TMOD4: variants seen among roughly 807,000 people sequenced by gnomAD.
The protein encoded by TMOD4 is tropomodulin-4.
In TMOD4, 34 loss-of-function variants were observed where a neutral mutation model predicts 45.4. The ratio of observed to expected loss-of-function variants is 0.75; its 90% CI spans 0.57 to 1.00. The LOEUF (loss-of-function observed/expected upper bound fraction) is 1.00, where lower values mean the gene tolerates loss of function less well. Ranked by LOEUF, TMOD4 falls within the 50% of genes least tolerant of loss-of-function variation. TMOD4 has a pLI of 0.00. For missense variants in TMOD4, 399 were observed against 437.5 expected (o/e 0.91, Z 0.78); for synonymous variants, 131 against 153.9 (o/e 0.85, Z 1.10).
rs779121917 is a variant in TMOD4, at chr1:151,173,535, C to CCA, written c.359_360dup (p.Ala121TrpfsTer21). 1 of 1,614,142 alleles carries CCA rather than the reference C, an allele frequency of 6.2e-7. No homozygotes were observed. On this transcript the variant is annotated frameshift_variant, in exon 4 of 10. Coordinates refer to ENST00000295314, the MANE Select transcript of TMOD4 (RefSeq NM_013353.3). LOFTEE classifies it high-confidence loss of function. ...CACATTTCAGCATCTGTGGCATGTG[C>CCA]CAGTGCCTCCTCCAGCTCAGGCTCC...
rs1284345251 is a variant in TMOD4 at position 151,174,465 on chromosome 1, A to C, written c.206T>G (p.Leu69Trp). The C allele has an allele frequency of 1.9e-6, 3 of 1,614,086 alleles. No homozygotes were observed. Among genetic ancestry groups the C allele is most frequent in the African/African-American group, 1.3e-5 (1 of 74,936 alleles). Residue 69 changes from leucine (L) to tryptophan (W), a missense_variant, in exon 3 of 10, where the codon TTG (leucine) becomes TGG (tryptophan). Leu to Trp is a moderately conservative substitution (Grantham distance 61, BLOSUM62 -2). Transcript: ENST00000295314. ...PTGPLDREAL[L>W]QYLEQQALEV... Reference sequence around the variant, plus strand: ...TAGTGCCTGTTGCTCCAAGTACTGCAAAAGGGCCTCTCGGTCCAGTGGCCC... The same window carrying C: ...TAGTGCCTGTTGCTCCAAGTACTGCCAAAGGGCCTCTCGGTCCAGTGGCCC...
intron 1 of TMOD4, 79 bp from the exon 2 acceptor site, chr1:151,174,996 G>A (rs1436088248): frequency 8.7e-6 from 10 of 1,156,036 alleles, no homozygotes; most frequent in African/African-American, 1.5e-5. Flanking sequence ...ACCAGCCAGG[G>A]GGGCAGAACA....
At chr1:151,170,339 A>C (rs587625384) in intron 9 of TMOD4, 180 bp downstream of exon 9, 1 of 946,794 alleles carries the variant, frequency 1.1e-6, no homozygotes, top group South Asian at 1.6e-5. Context: ...CTACTGGTCC[A>C]TATTTGGGGC....
At chr1:151,174,280 G>T in intron 3 of TMOD4, 111 bp downstream of exon 3, 1 of 1,188,486 alleles carries the variant, frequency 8.4e-7, no homozygotes, top group Non-Finnish European at 1.2e-6. Flanking sequence ...GGGCATCTGA[G>T]TCCCTAGGCA....
chr1:151,172,520 CT>C (rs1164501208), intron 4 of TMOD4, among the ~76,000 whole-genome samples, 163 bp from the exon 5 acceptor site: 2 of 152,186 alleles, frequency 1.3e-5, no homozygotes, highest in Non-Finnish European at 2.9e-5. Context: ...TTTCCATAAA[CT>C]TCTTAAGGCA....
intron 5 of TMOD4, 138 bp downstream of exon 5, chr1:151,172,130 G>T: frequency 1.4e-6 from 1 of 728,694 alleles, no homozygotes; most frequent in Non-Finnish European, 2.3e-6. Flanking sequence ...CACCTCACCT[G>T]GCACTCCACA....
intron 5 of TMOD4, 65 bp downstream of exon 5, chr1:151,172,203 C>T: frequency 7.6e-7 from 1 of 1,319,822 alleles, no homozygotes; most frequent in Non-Finnish European, 1.1e-6. Flanking sequence ...CCTTTTCTAC[C>T]TTCTCCCAGA....
chr1:151,174,979 C>G (rs761659497), intron 1 of TMOD4, 62 bp from the exon 2 acceptor site: 1 of 1,384,952 alleles, frequency 7.2e-7, no homozygotes, highest in Admixed American at 1.8e-5. Flanking sequence ...AGCAGGGACA[C>G]AAAGAGACCA....
In TMOD4 at chr1:151,174,891, C is replaced by T; in HGVS notation, c.-16G>A. 6.2e-7 allele frequency: 1 copy of T among 1,614,084 alleles called. No homozygotes were observed. The highest frequency in any genetic ancestry group is 8.5e-7 in the Non-Finnish European group (1 of 1,179,954). Reference sequence around the variant, plus strand: ...ATGATGACATGGTGGCCCCCACCCCCTCCCCACTGTGTGGTACTCACAGAG... The same window carrying T: ...ATGATGACATGGTGGCCCCCACCCCTTCCCCACTGTGTGGTACTCACAGAG... On this transcript the variant is annotated 5_prime_UTR_variant, in exon 2 of 10. Coordinates refer to ENST00000295314, the MANE Select transcript of TMOD4 (RefSeq NM_013353.3).
In TMOD4 at chr1:151,174,563, T is replaced by C. The variant is rs759933594; in HGVS notation, c.124-16A>G. 1 of 1,613,060 alleles carries C rather than the reference T, an allele frequency of 6.2e-7. No individual in the cohort carries two copies. Among genetic ancestry groups the C allele is most frequent in the Admixed American group, 1.7e-5 (1 of 59,972 alleles). On this transcript the variant is annotated splice_polypyrimidine_tract_variant and intron_variant, in intron 2 of 9. Transcript: ENST00000295314. ...GGAGCATGTTCTTAGGGATGAGTTT[T>C]GGGGAGCAAGTCAGACCTCCCCTCT... is the stretch of plus-strand genomic sequence containing the variant.
At chr1:151,173,476 C>T (rs774212518) in intron 4 of TMOD4, 23 bp downstream of exon 4, 4 of 1,598,260 alleles carry the variant, frequency 2.5e-6, no homozygotes, top group Non-Finnish European at 3.4e-6. Flanking sequence ...TCCTCTCACC[C>T]TCAACTTCCC....
chr1:151,173,771 G>C (rs587706487), intron 3 of TMOD4, among the ~76,000 whole-genome samples, 156 bp from the exon 4 acceptor site: 1 of 152,362 alleles, frequency 6.6e-6, no homozygotes, highest in South Asian at 2.1e-4. Context: ...TTAGCCCCCT[G>C]ATCTCTCAAG....
intron 5 of TMOD4, 104 bp from the exon 6 acceptor site, chr1:151,171,867 G>A (rs1421839031): frequency 9.3e-6 from 13 of 1,390,798 alleles, no homozygotes; most frequent in Middle Eastern, 2.6e-4. Flanking sequence ...ATGGAGTCTC[G>A]CTCTATCCAC....
rs958639122 is a variant in TMOD4 at position 151,172,303 on chromosome 1, C to T, written c.452G>A (p.Cys151Tyr). ...TTCAGTGTTGCAGATTTCTCCACTGCAGAGGGCATCATAGTATTGCTTGTT... is the reference window on the plus strand; with the variant it reads ...TTCAGTGTTGCAGATTTCTCCACTGTAGAGGGCATCATAGTATTGCTTGTT... ...MSNKQYYDAL[C>Y]SGEICNTEGI... The change falls in exon 5 of 10, where the codon TGC (cysteine) becomes TAC (tyrosine). Residue 151 changes from cysteine to tyrosine, a missense_variant. Transcript: ENST00000295314. The T allele has an allele frequency of 1.9e-6, 3 of 1,613,914 alleles. No individual in the cohort carries two copies. Among genetic ancestry groups the T allele is most frequent in the Non-Finnish European group, 2.5e-6 (3 of 1,179,874 alleles).
chr1:151,175,657 T>G (rs2101717686), intron 1 of TMOD4: 1 of 152,196 alleles, frequency 6.6e-6, no homozygotes, highest in Non-Finnish European at 1.5e-5. Flanking sequence ...GTGGGAATAT[T>G]AAACTCGCAC....
rs77601865 is a variant in TMOD4 at position 151,170,425 on chromosome 1, C to T, written c.1015+94G>A. 9.1e-4 allele frequency: 1,414 copies of T among 1,557,790 alleles called. 13 individuals carry two copies. In the African/African-American group the frequency reaches 0.016, roughly 18 times the overall value. ...CATATGAATAGCTCTTTGGTAGCACCCTGGGCTGTTAGTCATTAGGTCTGC... is the reference window on the plus strand; with the variant it reads ...CATATGAATAGCTCTTTGGTAGCACTCTGGGCTGTTAGTCATTAGGTCTGC... On this transcript the variant is annotated intron_variant, in intron 9 of 9. Coordinates refer to ENST00000295314, the MANE Select transcript of TMOD4 (RefSeq NM_013353.3).
At position 151,171,096 on chromosome 1, in the gene TMOD4, A is replaced by G. The variant is rs1252932348; in HGVS notation, c.727-33T>C. 3 of 1,610,062 alleles carry G rather than the reference A, an allele frequency of 1.9e-6. No homozygotes were observed. In the African/African-American group the frequency reaches 4.0e-5, roughly 22 times the overall value. ...GTAGGGACTTGGGTTAGGATTAGGG[A>G]ACAGTTTCACAGATGACTGAGGAAA... On this transcript the variant is annotated intron_variant, in intron 7 of 9. Transcript: ENST00000295314.
chr1:151,169,993 G>T lies in TMOD4; in HGVS notation c.*88C>A. ...AGGAAGGAGGCAGGCAAAATGGATA[G>T]AAGGGCTTTTATTTACAGGAAAGGA... is the stretch of plus-strand genomic sequence containing the variant. On this transcript the variant is annotated 3_prime_UTR_variant, in exon 10 of 10. Coordinates refer to ENST00000295314, the MANE Select transcript of TMOD4 (RefSeq NM_013353.3). 1 of 1,526,408 alleles carries T rather than the reference G, an allele frequency of 6.6e-7. No homozygotes were observed. Among genetic ancestry groups the T allele is most frequent in the Non-Finnish European group, 9.1e-7 (1 of 1,101,516 alleles). 94.6% of individuals were successfully genotyped at this position (1,526,408 alleles called of 1,614,324 possible).
intron 1 of TMOD4, chr1:151,175,703 T>C (rs890211778): frequency 3.9e-5 from 6 of 152,216 alleles, no homozygotes; most frequent in South Asian, 2.1e-4. Flanking sequence ...TAAGGAGCTA[T>C]GCATACACAC....
Sources: allele counts gnomAD v4.1 joint callset (sites outside exome capture counted in the v4.1 genomes callset), GRCh38; gene constraint gnomAD v4.1.1; transcripts MANE v1.5; gene names NCBI Gene and HGNC (gene_info 2026-07-23, HGNC 2026-07-21).